MGLL: variants seen among roughly 807,000 people sequenced by gnomAD.
The protein encoded by MGLL is lysophospholipase homolog.
Under a neutral mutation model 29.1 loss-of-function variants are expected in MGLL, and 7 were observed. The ratio of observed to expected loss-of-function variants is 0.24; its 90% CI spans 0.14 to 0.45. MGLL has a LOEUF of 0.45. Among genes scored for constraint, MGLL ranks in the 20% least tolerant of loss-of-function variants. The pLI, the probability that MGLL is intolerant of heterozygous loss-of-function variation, is 0.99. For missense variants in MGLL, 356 were observed against 413.6 expected (o/e 0.86, Z 1.21); for synonymous variants, 148 against 168.3 (o/e 0.88, Z 0.93).
chr3:127,730,388 C>A (rs2107639279), intron 3 of MGLL, among the ~76,000 whole-genome samples: 1 of 152,310 alleles, frequency 6.6e-6, no homozygotes, highest in Middle Eastern at 3.4e-3. Flanking sequence ...TGTTCCTCTG[C>A]CACAATCTGA....
At chr3:127,734,575 C>T (rs1348394397) in intron 3 of MGLL, among the ~76,000 whole-genome samples, 1 of 152,164 alleles carries the variant, frequency 6.6e-6, no homozygotes, top group Non-Finnish European at 1.5e-5. Context: ...TGCACAGGGG[C>T]CCTGCAGGAT....
chr3:127,789,783 T>C (rs887200040), intron 2 of MGLL, among the ~76,000 whole-genome samples: 3 of 152,036 alleles, frequency 2.0e-5, no homozygotes, highest in African/African-American at 7.2e-5. Context: ...AGACCTTTAA[T>C]AGAGGCATTT....
At chr3:127,709,579 C>A (rs1488818787) in intron 6 of MGLL, among the ~76,000 whole-genome samples, 1 of 152,092 alleles carries the variant, frequency 6.6e-6, no homozygotes, top group Non-Finnish European at 1.5e-5. Context: ...TGGGAACATC[C>A]CCAGAATGCT....
Position 127,690,206 on chromosome 3 carries a change from C to T in MGLL, c.*1992G>A, listed in dbSNP as rs2075217632. The T allele has an allele frequency of 6.6e-6, 1 of 152,222 alleles. No homozygotes were observed. Among genetic ancestry groups the T allele is most frequent in the African/African-American group, 2.4e-5 (1 of 41,464 alleles). 9.4% of individuals were successfully genotyped at this position (152,222 alleles called of 1,614,324 possible). A position where few individuals can be genotyped will look rare whatever the true frequency, so the allele number is the denominator to read the frequency against. ...AGGGTTCCTGCTTTTCCTGAGTTCCCATGGCTGCCCTGCTGCCGGGGCTGA... is the reference window on the plus strand; with the variant it reads ...AGGGTTCCTGCTTTTCCTGAGTTCCTATGGCTGCCCTGCTGCCGGGGCTGA... On this transcript the variant is annotated 3_prime_UTR_variant, in exon 8 of 8. Coordinates refer to ENST00000265052, the MANE Select transcript of MGLL (RefSeq NM_007283.7).
rs566520866 is a variant in MGLL at position 127,723,491 on chromosome 3, G to A, written c.263-925C>T. 1.1e-4 allele frequency among the ~76,000 whole-genome samples: 17 copies of A among 152,128 alleles called. 1 individual carries two copies. The East Asian group carries it at 2.7e-3, about 24-fold the overall frequency. On this transcript the variant is annotated intron_variant, in intron 3 of 7. Transcript: ENST00000265052. ...AGACCTCCAGCTTGGAGACCCTCCT[G>A]CTGTCAGGCCCCAAGCTCCCGTGTT... is the stretch of plus-strand genomic sequence containing the variant.
chr3:127,729,626 A>C (rs1321429325), intron 3 of MGLL, among the ~76,000 whole-genome samples: 1 of 152,368 alleles, frequency 6.6e-6, no homozygotes, highest in Middle Eastern at 3.4e-3. Context: ...AGCAGAATTT[A>C]TGAACAAGTC....
intron 3 of MGLL, among the ~76,000 whole-genome samples, chr3:127,732,936 G>T (rs1306394500): frequency 3.3e-5 from 5 of 152,312 alleles, no homozygotes; most frequent in African/African-American, 9.6e-5. Flanking sequence ...GGGAGGAGCG[G>T]TGGGTGGAAG....
intron 3 of MGLL, among the ~76,000 whole-genome samples, chr3:127,734,870 T>C (rs1202122756): frequency 6.6e-6 from 1 of 152,210 alleles, no homozygotes; most frequent in African/African-American, 2.4e-5. Flanking sequence ...GGACAGACAC[T>C]TCCTTCCCTT....
rs2077698245 is a variant in MGLL, at chr3:127,813,368, A to G, written c.155+8326T>C. ...TCTCTTCTGAGGTCCATCTGCACTT[A>G]TTAGCAGCCTCGGCGGGCATCACTT... On this transcript the variant is annotated intron_variant, in intron 2 of 7. Transcript: ENST00000265052. 2.6e-5 allele frequency among the ~76,000 whole-genome samples: 4 copies of G among 152,080 alleles called. No homozygotes were observed. The South Asian group carries it at 8.3e-4, about 32-fold the overall frequency.
At chr3:127,763,540 C>A (rs1428497790) in intron 3 of MGLL, among the ~76,000 whole-genome samples, 1 of 152,212 alleles carries the variant, frequency 6.6e-6, no homozygotes, top group Non-Finnish European at 1.5e-5. Flanking sequence ...CCACAGCAGC[C>A]ACGGCCATCT....
chr3:127,765,594 T>C (rs928656866), intron 3 of MGLL, among the ~76,000 whole-genome samples: 2 of 152,216 alleles, frequency 1.3e-5, no homozygotes, highest in African/African-American at 4.8e-5. Context: ...AATTCCTGTG[T>C]GAATAGCTCA....
intron 3 of MGLL, among the ~76,000 whole-genome samples, chr3:127,749,274 T>G (rs1218877996): frequency 6.6e-6 from 1 of 152,208 alleles, no homozygotes; most frequent in Non-Finnish European, 1.5e-5. Flanking sequence ...ATCAGAAAAC[T>G]TCATCCTGGA....
At chr3:127,807,350 T>C (rs1195466153) in intron 2 of MGLL, among the ~76,000 whole-genome samples, 1 of 152,126 alleles carries the variant, frequency 6.6e-6, no homozygotes, top group African/African-American at 2.4e-5. Flanking sequence ...GTAATTCAAG[T>C]CTTCTCTCTT....
chr3:127,694,379 ATATGTGTGTATATATATG>A lies in MGLL; in HGVS notation c.816+578_816+595del, dbSNP rs1407106808. On this transcript the variant is annotated intron_variant, in intron 7 of 7. Coordinates refer to ENST00000265052, the MANE Select transcript of MGLL (RefSeq NM_007283.7). ...TATGTGTATATATATGTATGTATAT[ATATGTGTGTATATATATG>A]TATGTGTGTATATATATGTGTGTGT... Among the ~76,000 whole-genome samples, 13 of 121,052 alleles carry A rather than the reference ATATGTGTGTATATATATG, an allele frequency of 1.1e-4. No individual in the cohort carries two copies. In the East Asian group the frequency reaches 2.4e-3, roughly 22 times the overall value. 79.4% of individuals were successfully genotyped at this position (121,052 alleles called of 152,430 possible).
rs1447640190 is a variant in MGLL, at chr3:127,752,056, C to G, written c.263-29490G>C. 2.0e-5 allele frequency among the ~76,000 whole-genome samples: 3 copies of G among 151,696 alleles called. No homozygotes were observed. The East Asian group carries it at 5.8e-4, about 29-fold the overall frequency. On this transcript the variant is annotated intron_variant, in intron 3 of 7. Transcript: ENST00000265052. ...CAATCCTCTCACTTTGATGTGTATT[C>G]TAGACTTTTTCCTACACACTCACAC...
At chr3:127,703,915 G>A (rs549244923) in intron 6 of MGLL, among the ~76,000 whole-genome samples, 19 of 152,124 alleles carry the variant, frequency 1.2e-4, no homozygotes, top group African/African-American at 4.1e-4. Flanking sequence ...AGCAAACGAT[G>A]GGCCAGACAA....
chr3:127,701,215 C>CAAAAAAAAAAAAAAAAAAAAAAA (rs60128956), intron 6 of MGLL, among the ~76,000 whole-genome samples: 1 of 56,442 alleles, frequency 1.8e-5, no homozygotes, highest in African/African-American at 9.4e-5. Flanking sequence ...ACCCTGCCTC[C>CAAAAAAAAAAAAAAAAAAAAAAA]AAAAAAAAAA....
At chr3:127,745,401 A>G (rs989993785) in intron 3 of MGLL, among the ~76,000 whole-genome samples, 1 of 152,226 alleles carries the variant, frequency 6.6e-6, no homozygotes, top group Admixed American at 6.5e-5. Context: ...TTGCAACAAC[A>G]TGGATGGACC....
At chr3:127,792,401 A>G (rs2107724673) in intron 2 of MGLL, among the ~76,000 whole-genome samples, 1 of 152,302 alleles carries the variant, frequency 6.6e-6, no homozygotes, top group Admixed American at 6.5e-5. Context: ...GTTGGAAAAC[A>G]GGAATAATAA....
Sources: gnomAD v4.1 joint callset for allele counts (sites outside exome capture counted in the v4.1 genomes callset) on GRCh38, gnomAD v4.1.1 for gene constraint, MANE v1.5 for transcripts, NCBI Gene and HGNC (gene_info 2026-07-23, HGNC 2026-07-21) for gene names.